The following COLGALT2 variants were observed in gnomAD, a reference collection of about 807,000 sequenced individuals.
COLGALT2 encodes the protein procollagen galactosyltransferase 2.
Under a neutral mutation model 73.4 loss-of-function variants are expected in COLGALT2, and 49 were observed. The observed-to-expected ratio is 0.67, with a 90% CI of 0.53 to 0.85. The LOEUF (loss-of-function observed/expected upper bound fraction) is 0.85, where lower values mean the gene tolerates loss of function less well. COLGALT2 is among the 40% of genes least tolerant of loss of function. COLGALT2 has a pLI of 0.00. For missense variants in COLGALT2, 722 were observed against 790.2 expected (o/e 0.91, Z 1.03); for synonymous variants, 295 against 307.6 (o/e 0.96, Z 0.43).
chr1:183,957,008 T>C (rs1390093274), intron 6 of COLGALT2, among the ~76,000 whole-genome samples: 1 of 152,130 alleles, frequency 6.6e-6, no homozygotes, highest in Non-Finnish European at 1.5e-5. Context: ...TCTCATTAAA[T>C]CCCTTCCTGG....
chr1:183,959,332 T>G (rs1670634918), intron 6 of COLGALT2, among the ~76,000 whole-genome samples: 1 of 152,184 alleles, frequency 6.6e-6, no homozygotes. Context: ...ACTCCAGACT[T>G]ATATATCCAA....
chr1:183,931,816 A>T (rs1669852440), downstream of COLGALT2, among the ~76,000 whole-genome samples: 2 of 151,346 alleles, frequency 1.3e-5, no homozygotes, highest in Non-Finnish European at 2.9e-5. Flanking sequence ...AAAAAAGAAG[A>T]AGAAGACTGA....
intron 1 of COLGALT2, among the ~76,000 whole-genome samples, chr1:184,032,574 C>T (rs1420188878): frequency 6.6e-6 from 1 of 152,134 alleles, no homozygotes; most frequent in Non-Finnish European, 1.5e-5. Flanking sequence ...GCCCTCCACG[C>T]TAAACTACCA....
intron 1 of COLGALT2, among the ~76,000 whole-genome samples, chr1:184,033,002 A>T (rs1201835805): frequency 6.6e-6 from 1 of 152,238 alleles, no homozygotes. Flanking sequence ...AAAAATCCAT[A>T]AAGCGGTTCC....
chr1:183,930,569 C>CTTTCTTTTT (rs1669822947), intron 11 of COLGALT2, among the ~76,000 whole-genome samples: 3 of 114,058 alleles, frequency 2.6e-5, no homozygotes, highest in Admixed American at 9.9e-5. Flanking sequence ...TTTTCTTTTT[C>CTTTCTTTTT]TTTTTTTTTT....
chr1:183,931,860 T>TAACA (rs1669854039), downstream of COLGALT2, among the ~76,000 whole-genome samples: 1 of 120,002 alleles, frequency 8.3e-6, no homozygotes, highest in Non-Finnish European at 1.8e-5. Context: ...GTTCCTGCCA[T>TAACA]AAAAAAAAAA....
chr1:183,938,659 C>T lies in COLGALT2; in HGVS notation c.*102G>A, dbSNP rs1670029074. The T allele has an allele frequency of 2.0e-6, 3 of 1,503,374 alleles. No homozygotes were observed. In the Admixed American group the frequency reaches 6.8e-5, roughly 34 times the overall value. The allele number at this position is 1,503,374 out of a possible 1,614,324, so 93.1% of individuals were successfully genotyped here. A position where few individuals can be genotyped will look rare whatever the true frequency, so the allele number is the denominator to read the frequency against. On this transcript the variant is annotated 3_prime_UTR_variant, in exon 12 of 12. Coordinates refer to ENST00000361927, the MANE Select transcript of COLGALT2 (RefSeq NM_015101.4). ...CACTTTGGTTAGATGACTGTGACCA[C>T]TAAGAACAAAACAAAACAGAAAACT... is the stretch of plus-strand genomic sequence containing the variant.
chr1:184,001,843 A>G (rs1671935298), intron 1 of COLGALT2, among the ~76,000 whole-genome samples: 1 of 152,206 alleles, frequency 6.6e-6, no homozygotes, highest in Non-Finnish European at 1.5e-5. Context: ...TGAATCTCAT[A>G]GTCATTATAA....
intron 1 of COLGALT2, among the ~76,000 whole-genome samples, chr1:183,994,285 A>G (rs75994233): frequency 0.083 from 12,648 of 151,494 alleles, 884 homozygotes; most frequent in East Asian, 0.4. Context: ...TGATCCACCC[A>G]CCTCGGCCTC....
rs60953990 is a variant in COLGALT2 at position 184,024,601 on chromosome 1, T to G, written c.263+12494A>C. Among the ~76,000 whole-genome samples the G allele has an allele frequency of 5.9e-3, 903 of 151,840 alleles. 11 individuals are homozygous for G. The highest frequency in any genetic ancestry group is 0.02 in the African/African-American group (820 of 41,434). ...TCTTGACCTTGGTGTTCTGCCTGCCTTGGCCTCCCAAAGTTCTGGGTTTAC... is the reference window on the plus strand; with the variant it reads ...TCTTGACCTTGGTGTTCTGCCTGCCGTGGCCTCCCAAAGTTCTGGGTTTAC... On this transcript the variant is annotated intron_variant, in intron 1 of 11. Transcript: ENST00000361927.
intron 1 of COLGALT2, among the ~76,000 whole-genome samples, chr1:183,998,362 T>C (rs1230515852): frequency 6.6e-6 from 1 of 152,236 alleles, no homozygotes; most frequent in Non-Finnish European, 1.5e-5. Context: ...CTTTGATTTT[T>C]CTCTTTTATT....
intron 2 of COLGALT2, among the ~76,000 whole-genome samples, chr1:183,977,821 A>C (rs928857044): frequency 1.4e-5 from 2 of 141,122 alleles, no homozygotes; most frequent in African/African-American, 6.2e-5. Context: ...AAAGAGAGAG[A>C]GAGAGAGAGA....
intron 2 of COLGALT2, among the ~76,000 whole-genome samples, chr1:183,975,583 G>A (rs1476205265): frequency 6.6e-6 from 1 of 152,214 alleles, no homozygotes; most frequent in Non-Finnish European, 1.5e-5. Context: ...AAAAGCTCAT[G>A]TTCCTAGACA....
chr1:183,950,981 G>A (rs1670379832), intron 8 of COLGALT2, 26 bp downstream of exon 8: 2 of 1,522,596 alleles, frequency 1.3e-6, no homozygotes, highest in Admixed American at 1.7e-5. Flanking sequence ...AATCACATCT[G>A]CAATGGGAGA....
chr1:183,996,618 C>A (rs946610138), intron 1 of COLGALT2, among the ~76,000 whole-genome samples: 2 of 152,172 alleles, frequency 1.3e-5, no homozygotes, highest in African/African-American at 4.8e-5. Context: ...CAAAGGCCTG[C>A]CTAGAGGTGA....
Position 183,975,181 on chromosome 1 carries a change from C to T in COLGALT2, c.408G>A (p.Trp136Ter). Reference sequence around the variant, plus strand: ...TCACATGGGCAAACCGGGAGGTTGGCCAGTGCTTTGGTCCAATTTCATCAG... The same window carrying T: ...TCACATGGGCAAACCGGGAGGTTGGTCAGTGCTTTGGTCCAATTTCATCAG... ...SYPDEIGPKHWPTSRFAHVMK... is the reference protein window; with the variant it reads ...SYPDEIGPKH Residue 136 changes from tryptophan to a stop codon, truncating the protein, a stop_gained, in exon 3 of 12, where the codon TGG (tryptophan) becomes TGA (stop). Coordinates refer to ENST00000361927, the MANE Select transcript of COLGALT2 (RefSeq NM_015101.4). LOFTEE classifies it high-confidence loss of function. 1 of 1,613,930 alleles carries T rather than the reference C, an allele frequency of 6.2e-7. No individual in the cohort carries two copies. The highest frequency in any genetic ancestry group is 8.5e-7 in the Non-Finnish European group (1 of 1,179,896).
At position 184,037,277 on chromosome 1, in the gene COLGALT2, C is replaced by T. The variant is rs760557018; in HGVS notation, c.81G>A (p.Ala27=). ...CCGAGTCCCGCTCGGCGACGAAGCGCGCTCGGCAGCCTTCGCGGAGCAGGG... is the reference window on the plus strand; with the variant it reads ...CCGAGTCCCGCTCGGCGACGAAGCGTGCTCGGCAGCCTTCGCGGAGCAGGG... ...SSALLREGCR[A]RFVAERDSED... The change falls in exon 1 of 12, where the codon GCG becomes GCA. Residue 27 remains alanine (A), a synonymous_variant. Transcript: ENST00000361927. 1.2e-5 allele frequency: 19 copies of T among 1,554,166 alleles called. No homozygotes were observed. In the East Asian group the frequency reaches 4.6e-4, roughly 37 times the overall value.
At chr1:183,966,623 G>A (rs183718460) in intron 5 of COLGALT2, among the ~76,000 whole-genome samples, 19 of 152,260 alleles carry the variant, frequency 1.2e-4, no homozygotes, top group African/African-American at 4.3e-4. Flanking sequence ...TGGTGTTCAG[G>A]ATCTGTCTGC....
chr1:183,939,240 G>A (rs1413110952), intron 11 of COLGALT2, among the ~76,000 whole-genome samples: 1 of 152,178 alleles, frequency 6.6e-6, no homozygotes, highest in Non-Finnish European at 1.5e-5. Context: ...AAAAAGATCA[G>A]GACATTTCTG....
Sources: gnomAD v4.1 joint callset for allele counts (sites outside exome capture counted in the v4.1 genomes callset) on GRCh38, gnomAD v4.1.1 for gene constraint, MANE v1.5 for transcripts, NCBI Gene and HGNC (gene_info 2026-07-23, HGNC 2026-07-21) for gene names.